DLG2: variants seen among roughly 807,000 people sequenced by gnomAD.
DLG2 encodes discs large MAGUK scaffold protein 2, also known as disks large homolog 2.
In DLG2, 45 loss-of-function variants were observed where a neutral mutation model predicts 132.5. The observed-to-expected ratio is 0.34, with a 90% CI of 0.27 to 0.44. DLG2 has a LOEUF of 0.44. Among genes scored for constraint, DLG2 ranks in the 20% least tolerant of loss-of-function variants. DLG2 has a pLI of 1.00. For synonymous variants in DLG2, 424 were observed against 419.6 expected, an observed-to-expected ratio of 1.01 and a Z score of -0.13; for missense variants, 1,045 against 1,196.9, an observed-to-expected ratio of 0.87 and a Z score of 1.87.
In DLG2 at chr11:84,961,600, C is replaced by T. The variant is rs368144064; in HGVS notation, c.357+150061G>A. On this transcript the variant is annotated intron_variant, in intron 6 of 27. Coordinates refer to ENST00000376104, the MANE Select transcript of DLG2 (RefSeq NM_001142699.3). ...TGCATGCACTAAGATGCTTTGTAAG[C>T]ACTTGTTTGTTCATTAGTTCATTCA... Among the ~76,000 whole-genome samples the T allele has an allele frequency of 3.1e-4, 47 of 150,712 alleles. 1 individual carries two copies. The South Asian group carries it at 9.8e-3, about 32-fold the overall frequency.
intron 4 of DLG2, among the ~76,000 whole-genome samples, chr11:85,278,897 C>T (rs750433519): frequency 1.2e-4 from 19 of 152,150 alleles, no homozygotes; most frequent in Non-Finnish European, 2.6e-4. Flanking sequence ...TCTTCAGCTT[C>T]CCCATTTCTA....
intron 6 of DLG2, among the ~76,000 whole-genome samples, chr11:84,989,320 C>T (rs907849925): frequency 6.6e-6 from 1 of 152,060 alleles, no homozygotes; most frequent in Non-Finnish European, 1.5e-5. Flanking sequence ...GGATTATAGG[C>T]ATCTGCCACC....
In DLG2 at chr11:85,286,684, T is replaced by C. The variant is rs370733419; in HGVS notation, c.41-1319A>G. ...TATGTATCTGGACATTTCCCAGCTT[T>C]GTCATATATAATTCCTGGCTCTGTC... On this transcript the variant is annotated intron_variant, in intron 3 of 27. Transcript: ENST00000376104. Among the ~76,000 whole-genome samples the C allele has an allele frequency of 1.5e-3, 229 of 152,222 alleles. 2 individuals carry two copies. The highest frequency in any genetic ancestry group is 5.2e-3 in the African/African-American group (215 of 41,558).
At chr11:85,339,722 G>A (rs567384622) in intron 3 of DLG2, among the ~76,000 whole-genome samples, 32 of 151,842 alleles carry the variant, frequency 2.1e-4, no homozygotes, top group Non-Finnish European at 4.7e-4. Flanking sequence ...AGACTTCTTT[G>A]TATATTAAGA....
At chr11:84,420,913 C>A in intron 7 of DLG2, among the ~76,000 whole-genome samples, 1 of 151,934 alleles carries the variant, frequency 6.6e-6, no homozygotes, top group South Asian at 2.1e-4. Context: ...CGTGATCTGC[C>A]CGCCTCGGCC....
At chr11:85,398,381 G>C (rs2087637639) in intron 3 of DLG2, among the ~76,000 whole-genome samples, 1 of 151,994 alleles carries the variant, frequency 6.6e-6, no homozygotes, top group African/African-American at 2.4e-5. Context: ...AGAGAAGCTG[G>C]AGCAAACACA....
chr11:85,366,877 C>A (rs1596559594), intron 3 of DLG2, among the ~76,000 whole-genome samples: 1 of 152,030 alleles, frequency 6.6e-6, no homozygotes, highest in Non-Finnish European at 1.5e-5. Flanking sequence ...TTTAAGTCAA[C>A]CATTATTAAC....
At chr11:84,790,414 G>T (rs1598208661) in intron 6 of DLG2, among the ~76,000 whole-genome samples, 1 of 151,902 alleles carries the variant, frequency 6.6e-6, no homozygotes, top group African/African-American at 2.4e-5. Context: ...CAAATCTTTT[G>T]CCCATTTTTA....
intron 18 of DLG2, among the ~76,000 whole-genome samples, chr11:83,778,713 C>G (rs572311686): frequency 6.6e-6 from 1 of 152,140 alleles, no homozygotes; most frequent in South Asian, 2.1e-4. Flanking sequence ...TATTATATTA[C>G]TCGAGGTCAA....
intron 19 of DLG2, among the ~76,000 whole-genome samples, chr11:83,586,241 G>A (rs1348361052): frequency 6.6e-6 from 1 of 152,230 alleles, no homozygotes; most frequent in Non-Finnish European, 1.5e-5. Flanking sequence ...CATTTGTGTG[G>A]AGTAAACTTA....
Position 83,663,833 on chromosome 11 carries a change from T to C in DLG2, c.1826-30508A>G, listed in dbSNP as rs549897684. Among the ~76,000 whole-genome samples the C allele has an allele frequency of 3.3e-5, 5 of 152,354 alleles. No individual in the cohort carries two copies. In the East Asian group the frequency reaches 9.6e-4, roughly 29 times the overall value. ...GCCTCAGTTGTCAAGGGCATTGTAATTCCGAGGCAGATAGAAATAAGAATC... is the reference window on the plus strand; with the variant it reads ...GCCTCAGTTGTCAAGGGCATTGTAACTCCGAGGCAGATAGAAATAAGAATC... On this transcript the variant is annotated intron_variant, in intron 18 of 27. Transcript: ENST00000376104.
intron 26 of DLG2, among the ~76,000 whole-genome samples, chr11:83,462,523 C>T (rs756265015): frequency 1.3e-5 from 2 of 152,126 alleles, no homozygotes; most frequent in Admixed American, 1.3e-4. Context: ...TCCTGACCAC[C>T]CTTTCTTGGA....
intron 10 of DLG2, among the ~76,000 whole-genome samples, chr11:84,092,427 G>A (rs1365702507): frequency 1.3e-5 from 2 of 152,158 alleles, no homozygotes; most frequent in African/African-American, 4.8e-5. Context: ...ATGTACCAGT[G>A]AGGAAACTGA....
At chr11:84,803,062 G>A (rs1360240654) in intron 6 of DLG2, among the ~76,000 whole-genome samples, 1 of 152,180 alleles carries the variant, frequency 6.6e-6, no homozygotes, top group Non-Finnish European at 1.5e-5. Flanking sequence ...GCCTCCCAAA[G>A]TTCTGTGTTT....
At chr11:83,867,708 T>C (rs2062664536) in intron 16 of DLG2, among the ~76,000 whole-genome samples, 1 of 152,214 alleles carries the variant, frequency 6.6e-6, no homozygotes. Flanking sequence ...TGTATTTATT[T>C]ATTTTTACAC....
At chr11:85,318,722 G>A (rs927421185) in intron 3 of DLG2, among the ~76,000 whole-genome samples, 4 of 151,746 alleles carry the variant, frequency 2.6e-5, no homozygotes, top group Admixed American at 2.0e-4. Flanking sequence ...CAGAAGGTAA[G>A]GAAAGACCAT....
Position 85,286,858 on chromosome 11 carries a change from A to C in DLG2, c.41-1493T>G, listed in dbSNP as rs138628428. 1.3e-5 allele frequency among the ~76,000 whole-genome samples: 2 copies of C among 152,226 alleles called. 1 individual carries two copies. The highest frequency in any genetic ancestry group is 3.9e-4 in the East Asian group (2 of 5,166). The stretch of plus-strand genomic sequence containing the variant: ...CTGGGGCAGGAGACATAAGATGAGC[A>C]TGGAACATCTTATAGCCCCAGCAAA... On this transcript the variant is annotated intron_variant, in intron 3 of 27. Coordinates refer to ENST00000376104, the MANE Select transcript of DLG2 (RefSeq NM_001142699.3).
chr11:84,612,308 T>A (rs2099596871), intron 6 of DLG2, among the ~76,000 whole-genome samples: 1 of 151,706 alleles, frequency 6.6e-6, no homozygotes, highest in Non-Finnish European at 1.5e-5. Flanking sequence ...GTGTCACAAT[T>A]TTTTTTTTCA....
intron 3 of DLG2, among the ~76,000 whole-genome samples, chr11:85,395,831 G>C (rs2152954477): frequency 6.6e-6 from 1 of 152,332 alleles, no homozygotes; most frequent in Middle Eastern, 3.4e-3. Context: ...ACTTCTAAGG[G>C]CAGGGCATAT....
Sources: allele counts gnomAD v4.1 joint callset (sites outside exome capture counted in the v4.1 genomes callset), GRCh38; gene constraint gnomAD v4.1.1; transcripts MANE v1.5; gene names NCBI Gene and HGNC (gene_info 2026-07-23, HGNC 2026-07-21).